NDST4: variants seen among roughly 807,000 people sequenced by gnomAD.
The protein encoded by NDST4 is N-heparan sulfate sulfotransferase 4.
NDST4 carries 63 observed loss-of-function variants against 100.8 expected under a neutral mutation model. The observed-to-expected ratio is 0.62, with a 90% CI of 0.51 to 0.77. The LOEUF (loss-of-function observed/expected upper bound fraction) is 0.77. NDST4 is among the 30% of genes least tolerant of loss of function. The pLI, the probability that NDST4 is intolerant of heterozygous loss-of-function variation, is 0.00. For missense variants in NDST4, 943 were observed against 1,018.4 expected, an observed-to-expected ratio of 0.93 and a Z score of 1.01; for synonymous variants, 377 against 361.8, an observed-to-expected ratio of 1.04 and a Z score of -0.48.
intron 11 of NDST4, 146 bp from the exon 12 acceptor site, chr4:114,833,861 T>C (rs780273264): frequency 1.8e-5 from 10 of 548,410 alleles, no homozygotes; most frequent in Non-Finnish European, 3.2e-5. Flanking sequence ...ATCCGAATGT[T>C]TATTATTCTT....
chr4:114,936,234 T>C (rs1255815401), intron 5 of NDST4, among the ~76,000 whole-genome samples: 1 of 152,180 alleles, frequency 6.6e-6, no homozygotes, highest in African/African-American at 2.4e-5. Context: ...TAATTCTATT[T>C]ATACCTTCTG....
chr4:115,109,595 C>T (rs997433368), intron 1 of NDST4, among the ~76,000 whole-genome samples: 2 of 151,920 alleles, frequency 1.3e-5, no homozygotes, highest in Non-Finnish European at 2.9e-5. Flanking sequence ...AGTCTCGCTT[C>T]TGTTTTCTGA....
At chr4:114,861,862 C>CTGA (rs1432768036) in intron 7 of NDST4, among the ~76,000 whole-genome samples, 2 of 152,140 alleles carry the variant, frequency 1.3e-5, no homozygotes, top group Non-Finnish European at 1.5e-5. Flanking sequence ...GTGGCCTTCC[C>CTGA]TGATGATGAT....
intron 2 of NDST4, among the ~76,000 whole-genome samples, chr4:115,049,910 C>A (rs1728548241): frequency 6.6e-6 from 1 of 152,118 alleles, no homozygotes; most frequent in Admixed American, 6.5e-5. Context: ...CCTTATAGCC[C>A]ATTAAGCCTT....
rs1156422746 is a variant in NDST4 at position 114,849,848 on chromosome 4, C to T, written c.1817-1510G>A. 2.0e-4 allele frequency among the ~76,000 whole-genome samples: 31 copies of T among 152,198 alleles called. 1 individual carries two copies. The highest frequency in any genetic ancestry group is 1.2e-4 in the Non-Finnish European group (8 of 68,030). ...GTCTTAAAGTTTAGACAGGAGAAAT[C>T]TCTCAACCACACTGAAAAATACAGA... On this transcript the variant is annotated intron_variant, in intron 8 of 13. Coordinates refer to ENST00000264363, the MANE Select transcript of NDST4 (RefSeq NM_022569.3).
chr4:114,935,989 G>GTT (rs201937733), intron 5 of NDST4, among the ~76,000 whole-genome samples: 1 of 145,938 alleles, frequency 6.9e-6, no homozygotes, highest in Non-Finnish European at 1.5e-5. Context: ...ATTGCCTACA[G>GTT]TTTTTTTTTT....
intron 2 of NDST4, among the ~76,000 whole-genome samples, chr4:114,980,858 T>C (rs1038580374): frequency 1.3e-5 from 2 of 152,158 alleles, no homozygotes; most frequent in Non-Finnish European, 2.9e-5. Context: ...TAATTTATTA[T>C]TTTAATAAAC....
At chr4:115,031,630 C>G (rs1349070692) in intron 2 of NDST4, among the ~76,000 whole-genome samples, 3 of 152,066 alleles carry the variant, frequency 2.0e-5, no homozygotes, top group Non-Finnish European at 4.4e-5. Context: ...ACTCACTAAA[C>G]TCCCTCATGT....
chr4:114,917,461 C>T (rs576735538), intron 6 of NDST4, among the ~76,000 whole-genome samples: 37 of 151,932 alleles, frequency 2.4e-4, no homozygotes, highest in Non-Finnish European at 4.9e-4. Context: ...AGTAGTTGGC[C>T]TTAGAGAGAC....
intron 3 of NDST4, among the ~76,000 whole-genome samples, chr4:114,972,079 T>C (rs1031956468): frequency 6.6e-6 from 1 of 152,086 alleles, no homozygotes; most frequent in African/African-American, 2.4e-5. Context: ...TTTGAATTTA[T>C]ATGTATTCAC....
chr4:114,868,630 A>G (rs1724083051), intron 7 of NDST4, among the ~76,000 whole-genome samples: 1 of 151,960 alleles, frequency 6.6e-6, no homozygotes, highest in South Asian at 2.1e-4. Flanking sequence ...AGAATATATG[A>G]TATTTAGTTA....
At chr4:115,088,948 A>G (rs1729460243) in intron 1 of NDST4, among the ~76,000 whole-genome samples, 1 of 152,130 alleles carries the variant, frequency 6.6e-6, no homozygotes, top group Non-Finnish European at 1.5e-5. Flanking sequence ...CCTATAACAC[A>G]GACATTTTAA....
intron 2 of NDST4, among the ~76,000 whole-genome samples, chr4:114,986,023 C>G (rs189489422): frequency 1.3e-5 from 2 of 152,018 alleles, no homozygotes; most frequent in Admixed American, 6.6e-5. Context: ...TAACTGCACA[C>G]AAAATGTATA....
intron 2 of NDST4, among the ~76,000 whole-genome samples, chr4:115,064,309 T>C (rs1234112574): frequency 1.3e-5 from 2 of 151,972 alleles, no homozygotes; most frequent in Non-Finnish European, 2.9e-5. Context: ...CACATAAAAC[T>C]AAATAAAATT....
intron 6 of NDST4, among the ~76,000 whole-genome samples, chr4:114,920,029 A>G (rs1000953940): frequency 2.0e-5 from 3 of 152,190 alleles, no homozygotes; most frequent in African/African-American, 7.2e-5. Context: ...ATAATAATTT[A>G]GCCAATGACT....
intron 2 of NDST4, among the ~76,000 whole-genome samples, chr4:115,054,732 T>C (rs1728657225): frequency 6.6e-6 from 1 of 152,194 alleles, no homozygotes; most frequent in African/African-American, 2.4e-5. Context: ...GAGTTTATTG[T>C]ATAGACCTGA....
Position 115,013,268 on chromosome 4 carries a change from C to T in NDST4, c.979-35994G>A, listed in dbSNP as rs546789974. On this transcript the variant is annotated intron_variant, in intron 2 of 13. Coordinates refer to ENST00000264363, the MANE Select transcript of NDST4 (RefSeq NM_022569.3). ...ACAAATGCTTGAGGTGATGGATATC[C>T]CATTTACCCTAATATGATTATTATA... Among the ~76,000 whole-genome samples, 10 of 144,640 alleles carry T rather than the reference C, an allele frequency of 6.9e-5. No individual in the cohort carries two copies. The South Asian group carries it at 1.8e-3, about 25-fold the overall frequency. The allele number at this position is 144,640 out of a possible 152,430, so 94.9% of individuals were successfully genotyped here. A position where few individuals can be genotyped will look rare whatever the true frequency, so the allele number is the denominator to read the frequency against.
intron 1 of NDST4, among the ~76,000 whole-genome samples, chr4:115,102,679 T>A (rs757182207): frequency 4.0e-5 from 6 of 149,796 alleles, no homozygotes; most frequent in Non-Finnish European, 8.9e-5. Context: ...CAGTGGTCAT[T>A]TATATACCAT....
intron 2 of NDST4, among the ~76,000 whole-genome samples, chr4:115,034,957 G>T (rs903592942): frequency 6.6e-6 from 1 of 151,942 alleles, no homozygotes; most frequent in Non-Finnish European, 1.5e-5. Context: ...GAAGTCAGAA[G>T]AGCCTTACAA....
Sources: gnomAD v4.1 joint callset for allele counts (sites outside exome capture counted in the v4.1 genomes callset) on GRCh38, gnomAD v4.1.1 for gene constraint, MANE v1.5 for transcripts, NCBI Gene and HGNC (gene_info 2026-07-23, HGNC 2026-07-21) for gene names.